RGPD2: variants seen among roughly 807,000 people sequenced by gnomAD.
The protein encoded by RGPD2 is RANBP2-like and GRIP domain-containing protein 2.
A neutral mutation model predicts 36.0 loss-of-function variants in RGPD2; 2 were observed. The ratio of observed to expected loss-of-function variants is 0.06; its 90% CI spans 0.02 to 0.17. The LOEUF (loss-of-function observed/expected upper bound fraction) is 0.17, where lower values mean the gene tolerates loss of function less well. Among genes scored for constraint, RGPD2 ranks in the 10% least tolerant of loss-of-function variants. The pLI, the probability that RGPD2 is intolerant of heterozygous loss-of-function variation, is 1.00. For missense variants in RGPD2, 40 were observed against 464.3 expected (o/e 0.09, Z 8.40); for synonymous variants, 19 against 163.8 (o/e 0.12, Z 6.75).
chr2:87,881,804 A>T, the RGPD2 span, among the ~76,000 whole-genome samples: 2 of 152,226 alleles, frequency 1.3e-5, no homozygotes, highest in African/African-American at 4.8e-5. Context: ...CTGTTCTTGT[A>T]TTGCTATAAG....
At chr2:87,877,868 G>T in the RGPD2 span, among the ~76,000 whole-genome samples, 1 of 148,612 alleles carries the variant, frequency 6.7e-6, no homozygotes, top group Non-Finnish European at 1.5e-5. Context: ...ATCTCATTTG[G>T]CTTTTAGAGT....
intron 7 of RGPD2, among the ~76,000 whole-genome samples, chr2:87,805,742 T>C (rs551555427): frequency 1.3e-5 from 2 of 151,700 alleles, no homozygotes; most frequent in South Asian, 4.2e-4. Flanking sequence ...CGCTTGTAGT[T>C]CCAGCTACTC....
At chr2:87,915,626 A>G in the RGPD2 span, among the ~76,000 whole-genome samples, 1 of 146,712 alleles carries the variant, frequency 6.8e-6, no homozygotes, top group Non-Finnish European at 1.5e-5. Context: ...ACACATATAT[A>G]TGTGCGTGTA....
At chr2:87,947,451 C>T in the RGPD2 span, among the ~76,000 whole-genome samples, 2 of 152,300 alleles carry the variant, frequency 1.3e-5, no homozygotes, top group African/African-American at 4.8e-5. Context: ...TGCATCAGGG[C>T]TTCCTTCGGT....
intron 4 of RGPD2, among the ~76,000 whole-genome samples, chr2:87,814,927 TCA>T (rs1158580667): frequency 2.4e-5 from 1 of 42,254 alleles, no homozygotes; most frequent in African/African-American, 1.3e-4. Flanking sequence ...AAAAAAAAAG[TCA>T]CACATTTCAT....
At chr2:87,964,005 G>A in the RGPD2 span, among the ~76,000 whole-genome samples, 14 of 150,732 alleles carry the variant, frequency 9.3e-5, no homozygotes, top group Admixed American at 3.3e-4. Context: ...CTGGCTAATT[G>A]TTGTATTTTT....
At chr2:87,807,408 A>C (rs1022645413) in intron 6 of RGPD2, among the ~76,000 whole-genome samples, 1 of 108,986 alleles carries the variant, frequency 9.2e-6, no homozygotes, top group Admixed American at 1.1e-4. Flanking sequence ...TTTTTTTGAG[A>C]CAGAGTCTCT....
the RGPD2 span, among the ~76,000 whole-genome samples, chr2:87,882,283 G>C: frequency 1.3e-5 from 2 of 152,122 alleles, no homozygotes; most frequent in African/African-American, 4.8e-5. Context: ...TTATATAAGG[G>C]TGAAATCAGG....
At chr2:87,882,095 A>C in the RGPD2 span, among the ~76,000 whole-genome samples, 88 of 152,386 alleles carry the variant, frequency 5.8e-4, no homozygotes, top group Non-Finnish European at 1.1e-3. Flanking sequence ...TCTCCATGAC[A>C]TAAACCACTC....
At chr2:87,845,770 G>A in the RGPD2 span, among the ~76,000 whole-genome samples, 3 of 152,012 alleles carry the variant, frequency 2.0e-5, no homozygotes, top group African/African-American at 7.2e-5. Context: ...TATATTTTTA[G>A]TAATGCTTTA....
the RGPD2 span, among the ~76,000 whole-genome samples, chr2:87,917,025 T>G: frequency 1.3e-5 from 2 of 152,090 alleles, no homozygotes; most frequent in Non-Finnish European, 2.9e-5. Flanking sequence ...ATTTGAGTAG[T>G]GACTTGACGA....
chr2:87,847,586 C>T, the RGPD2 span, among the ~76,000 whole-genome samples: 16 of 150,754 alleles, frequency 1.1e-4, no homozygotes, highest in African/African-American at 3.2e-4. Flanking sequence ...GTAACCTCCG[C>T]GTCCAGGGTT....
chr2:87,881,492 C>T, the RGPD2 span, among the ~76,000 whole-genome samples: 1 of 151,222 alleles, frequency 6.6e-6, no homozygotes, highest in Non-Finnish European at 1.5e-5. Flanking sequence ...TACTCTTTTA[C>T]TCTGTGCACC....
the RGPD2 span, among the ~76,000 whole-genome samples, chr2:87,974,929 A>C: frequency 1.3e-5 from 2 of 152,112 alleles, no homozygotes; most frequent in African/African-American, 4.8e-5. Flanking sequence ...TATACCATAG[A>C]GGATCCTGTC....
the RGPD2 span, among the ~76,000 whole-genome samples, chr2:87,876,969 CT>C: frequency 3.9e-5 from 6 of 152,302 alleles, no homozygotes; most frequent in East Asian, 1.9e-4. Context: ...CCTTCATTGT[CT>C]TTTTTTTATC....
chr2:87,864,625 CATAGATGATAGA>C, the RGPD2 span, among the ~76,000 whole-genome samples: 986 of 14,800 alleles, frequency 0.067, no homozygotes, highest in East Asian at 0.44. Flanking sequence ...TAGATAGATA[CATAGATGATAGA>C]TAGTAAGTAG....
At chr2:87,884,786 T>A in the RGPD2 span, among the ~76,000 whole-genome samples, 1 of 151,986 alleles carries the variant, frequency 6.6e-6, no homozygotes, top group African/African-American at 2.4e-5. Context: ...GTAAAGAGAT[T>A]AAATAAAAAT....
chr2:87,866,777 GC>G, the RGPD2 span, among the ~76,000 whole-genome samples: 4 of 151,772 alleles, frequency 2.6e-5, no homozygotes, highest in Non-Finnish European at 4.4e-5. Flanking sequence ...TGCTGCCCAG[GC>G]CCCAGGGCAG....
chr2:87,985,601 A>G, the RGPD2 span: 1 of 902,188 alleles, frequency 1.1e-6, no homozygotes, highest in Non-Finnish European at 1.8e-6. Flanking sequence ...GATACAATAA[A>G]CCTTAATATC....
Sources: gnomAD v4.1 joint callset for allele counts (sites outside exome capture counted in the v4.1 genomes callset) on GRCh38, gnomAD v4.1.1 for gene constraint, MANE v1.5 for transcripts, NCBI Gene and HGNC (gene_info 2026-07-23, HGNC 2026-07-21) for gene names.